The following KCNH5 variants were observed in gnomAD, a reference collection of about 807,000 sequenced individuals.
KCNH5 encodes the protein voltage-gated delayed rectifier potassium channel KCNH5.
Under a neutral mutation model 96.1 loss-of-function variants are expected in KCNH5, and 46 were observed. The ratio of observed to expected loss-of-function variants is 0.48; its 90% CI spans 0.38 to 0.61. The LOEUF (loss-of-function observed/expected upper bound fraction) is 0.61, where lower values mean the gene tolerates loss of function less well. Among genes scored for constraint, KCNH5 ranks in the 20% least tolerant of loss-of-function variants. KCNH5 has a pLI of 0.00. For synonymous variants in KCNH5, 439 were observed against 449.8 expected, an observed-to-expected ratio of 0.98 and a Z score of 0.30; for missense variants, 907 against 1,225.8, an observed-to-expected ratio of 0.74 and a Z score of 3.88.
chr14:63,036,127 G>C (rs1379764755), intron 1 of KCNH5, among the ~76,000 whole-genome samples: 1 of 152,188 alleles, frequency 6.6e-6, no homozygotes, highest in Non-Finnish European at 1.5e-5. Context: ...TTTTAGGAAC[G>C]AGCAAGGGGA....
intron 1 of KCNH5, among the ~76,000 whole-genome samples, chr14:63,028,744 T>C (rs1891571057): frequency 6.6e-6 from 1 of 152,050 alleles, no homozygotes; most frequent in Non-Finnish European, 1.5e-5. Flanking sequence ...ACACAGAAGT[T>C]AGAATCAAAA....
intron 1 of KCNH5, among the ~76,000 whole-genome samples, chr14:63,039,616 G>T (rs542612037): frequency 3.3e-5 from 5 of 151,864 alleles, no homozygotes; most frequent in Non-Finnish European, 5.9e-5. Flanking sequence ...CTGAAATTGC[G>T]TATTACCATA....
intron 8 of KCNH5, among the ~76,000 whole-genome samples, chr14:62,839,574 G>T (rs763431075): frequency 1.7e-5 from 2 of 120,972 alleles, no homozygotes; most frequent in Non-Finnish European, 3.4e-5. Flanking sequence ...AATCATATTT[G>T]GGTACCAATA....
At chr14:62,874,494 C>T (rs561636350) in intron 7 of KCNH5, among the ~76,000 whole-genome samples, 102 of 152,136 alleles carry the variant, frequency 6.7e-4, no homozygotes, top group African/African-American at 2.0e-3. Context: ...TTATCCACCA[C>T]GATCAAGTGG....
rs773520576 is a variant in KCNH5, at chr14:62,956,471, T to C, written c.943-5912A>G. Among the ~76,000 whole-genome samples, 131 of 152,048 alleles carry C rather than the reference T, an allele frequency of 8.6e-4. 1 individual carries two copies. The highest frequency in any genetic ancestry group is 1.9e-4 in the Non-Finnish European group (13 of 68,010). ...TGTGAAAATTCTTTCTGCTGTACACTTAAGATTGGGATAATTTTCTTTAAA... is the reference window on the plus strand; with the variant it reads ...TGTGAAAATTCTTTCTGCTGTACACCTAAGATTGGGATAATTTTCTTTAAA... On this transcript the variant is annotated intron_variant, in intron 6 of 10. Transcript: ENST00000322893.
At chr14:62,725,057 G>GAATATA in intron 10 of KCNH5, among the ~76,000 whole-genome samples, 1 of 152,136 alleles carries the variant, frequency 6.6e-6, no homozygotes, top group Non-Finnish European at 1.5e-5. Context: ...TAACACATTA[G>GAATATA]AATATATAAT....
intron 8 of KCNH5, among the ~76,000 whole-genome samples, chr14:62,817,923 A>C (rs1219153219): frequency 2.7e-5 from 4 of 148,864 alleles, no homozygotes; most frequent in African/African-American, 9.8e-5. Flanking sequence ...TATGGCTATT[A>C]CTCAAACTGG....
At chr14:62,781,423 G>A (rs1457894826) in intron 9 of KCNH5, among the ~76,000 whole-genome samples, 4 of 152,142 alleles carry the variant, frequency 2.6e-5, no homozygotes, top group Admixed American at 6.5e-5. Flanking sequence ...GAGATCAACC[G>A]GTCTGACCAA....
rs12050362 is a variant in KCNH5 at position 63,043,647 on chromosome 14, T to C, written c.73+1467A>G. ...ACACTACTGCTTTAGACTTTTATTG[T>C]TTCAGGCATTGGCCAAAACGAAGAA... On this transcript the variant is annotated intron_variant, in intron 1 of 10. Coordinates refer to ENST00000322893, the MANE Select transcript of KCNH5 (RefSeq NM_139318.5). Among the ~76,000 whole-genome samples, 1,406 of 152,306 alleles carry C rather than the reference T, an allele frequency of 9.2e-3. 73 individuals carry two copies. The East Asian group carries it at 0.14, about 15-fold the overall frequency.
chr14:62,905,744 T>C (rs1175061742), intron 7 of KCNH5, among the ~76,000 whole-genome samples: 5 of 152,224 alleles, frequency 3.3e-5, no homozygotes, highest in South Asian at 2.1e-4. Flanking sequence ...GAGCCAACAA[T>C]GTCTAGTTCT....
intron 1 of KCNH5, among the ~76,000 whole-genome samples, chr14:63,037,564 A>C (rs1956674): frequency 0.37 from 56,163 of 151,972 alleles, 10,701 homozygotes; most frequent in East Asian, 0.45. Flanking sequence ...TAAAAATAAA[A>C]TCATTGTGCT....
intron 2 of KCNH5, among the ~76,000 whole-genome samples, chr14:63,007,014 T>C (rs1229242037): frequency 6.6e-6 from 1 of 151,822 alleles, no homozygotes; most frequent in African/African-American, 2.4e-5. Context: ...ACCAAAGAAA[T>C]GAAAAATAAT....
intron 10 of KCNH5, among the ~76,000 whole-genome samples, chr14:62,741,182 C>T (rs1193630744): frequency 2.0e-5 from 3 of 152,116 alleles, no homozygotes; most frequent in African/African-American, 4.8e-5. Context: ...GCGGCTTGCA[C>T]GTATTCCTTA....
chr14:63,001,281 C>G (rs1430186007), intron 4 of KCNH5, 50 bp downstream of exon 4: 2 of 1,521,226 alleles, frequency 1.3e-6, no homozygotes, highest in Non-Finnish European at 1.8e-6. Flanking sequence ...GTAAGAAGAT[C>G]TTTTAGCAAC....
intron 10 of KCNH5, among the ~76,000 whole-genome samples, chr14:62,715,860 AAAGGAGGGATAGGG>A (rs1488233651): frequency 6.6e-6 from 1 of 152,034 alleles, no homozygotes; most frequent in African/African-American, 2.4e-5. Flanking sequence ...GGGAGGGAGG[AAAGGAGGGATAGGG>A]AAGGAATATC....
intron 8 of KCNH5, among the ~76,000 whole-genome samples, chr14:62,839,244 T>C (rs1025490512): frequency 6.6e-6 from 1 of 152,232 alleles, no homozygotes; most frequent in African/African-American, 2.4e-5. Flanking sequence ...TTTCTTTTTC[T>C]AGCTCTTTTT....
At chr14:62,987,019 GA>G in intron 5 of KCNH5, 52 bp downstream of exon 5, 1 of 1,190,604 alleles carries the variant, frequency 8.4e-7, no homozygotes, top group Non-Finnish European at 1.3e-6. Flanking sequence ...TTTTAGGGAA[GA>G]AAAATGTACC....
intron 6 of KCNH5, among the ~76,000 whole-genome samples, chr14:62,963,685 T>C (rs377129457): frequency 2.6e-5 from 4 of 152,278 alleles, no homozygotes; most frequent in East Asian, 1.9e-4. Context: ...GAGAACAATC[T>C]GCTTTACTGA....
chr14:62,789,285 A>G (rs186165463), intron 9 of KCNH5, among the ~76,000 whole-genome samples: 230 of 152,144 alleles, frequency 1.5e-3, no homozygotes, highest in African/African-American at 5.3e-3. Context: ...GTTGAATAAT[A>G]TTCCATTGCA....
Sources: allele counts gnomAD v4.1 joint callset (sites outside exome capture counted in the v4.1 genomes callset), GRCh38; gene constraint gnomAD v4.1.1; transcripts MANE v1.5; gene names NCBI Gene and HGNC (gene_info 2026-07-23, HGNC 2026-07-21).